The following IL1RAPL2 variants were observed in gnomAD, a reference collection of about 807,000 sequenced individuals.
The protein encoded by IL1RAPL2 is X-linked interleukin-1 receptor accessory protein-like 2.
In IL1RAPL2, 3 loss-of-function variants were observed where a neutral mutation model predicts 44.1. The ratio of observed to expected loss-of-function variants is 0.07; its 90% CI spans 0.03 to 0.18. IL1RAPL2 has a LOEUF of 0.18. Ranked by LOEUF, IL1RAPL2 falls within the 10% of genes least tolerant of loss-of-function variation. IL1RAPL2 has a pLI of 1.00. For missense variants in IL1RAPL2, 391 were observed against 496.4 expected (o/e 0.79, Z 2.02); for synonymous variants, 181 against 178.8 (o/e 1.01, Z -0.10).
intron 2 of IL1RAPL2, among the ~76,000 whole-genome samples, chrX:104,732,293 A>C (rs772461916): frequency 2.7e-5 from 3 of 111,589 alleles, no homozygotes; most frequent in South Asian, 7.5e-4. Flanking sequence ...TGAATGAAAT[A>C]GAAAACAAAG....
At chrX:104,926,345 C>T (rs1350696676) in intron 2 of IL1RAPL2, among the ~76,000 whole-genome samples, 1 of 111,962 alleles carries the variant, frequency 8.9e-6, no homozygotes, top group Non-Finnish European at 1.9e-5. Context: ...TCTAAATTTT[C>T]AAAATATATC....
chrX:105,066,676 C>T (rs774696028), intron 2 of IL1RAPL2, among the ~76,000 whole-genome samples: 1 of 111,549 alleles, frequency 9.0e-6, no homozygotes, highest in East Asian at 2.8e-4. Flanking sequence ...TGTTATCATG[C>T]TCCCCTTTCT....
chrX:104,878,389 T>C (rs950849329), intron 2 of IL1RAPL2, among the ~76,000 whole-genome samples: 1 of 112,089 alleles, frequency 8.9e-6, no homozygotes, highest in African/African-American at 3.2e-5. Context: ...TCTGTTTTAA[T>C]CCTCACAACA....
At chrX:105,272,923 T>C (rs1031071784) in intron 5 of IL1RAPL2, among the ~76,000 whole-genome samples, 3 of 111,971 alleles carry the variant, frequency 2.7e-5, no homozygotes, top group Non-Finnish European at 5.6e-5. Context: ...AACACACTTT[T>C]TGTGGTCCTG....
intron 1 of IL1RAPL2, among the ~76,000 whole-genome samples, chrX:104,649,083 TTC>T (rs1315804368): frequency 9.0e-6 from 1 of 111,318 alleles, no homozygotes; most frequent in Non-Finnish European, 1.9e-5. Context: ...TTCATGTTTT[TTC>T]TCTTTCTCCT....
At chrX:105,260,376 C>A (rs2034347914) in intron 4 of IL1RAPL2, among the ~76,000 whole-genome samples, 1 of 111,827 alleles carries the variant, frequency 8.9e-6, no homozygotes, top group Non-Finnish European at 1.9e-5. Flanking sequence ...GAGGTCCCGC[C>A]CAGTGAGTAG....
At chrX:105,046,902 C>T (rs763196935) in intron 2 of IL1RAPL2, among the ~76,000 whole-genome samples, 2 of 106,498 alleles carry the variant, frequency 1.9e-5, no homozygotes, top group East Asian at 3.0e-4. Flanking sequence ...TCTCTATCTC[C>T]CTTGTTCTGC....
chrX:105,460,273 A>T (rs2036084664), intron 5 of IL1RAPL2, among the ~76,000 whole-genome samples: 1 of 111,448 alleles, frequency 9.0e-6, no homozygotes, highest in African/African-American at 3.3e-5. Context: ...TGTAAGAGGA[A>T]GTACATCCCC....
chrX:104,860,646 C>T (rs752796546), intron 2 of IL1RAPL2, among the ~76,000 whole-genome samples: 48 of 110,770 alleles, frequency 4.3e-4, no homozygotes, highest in Non-Finnish European at 7.6e-4. Flanking sequence ...ATTCAAAAAT[C>T]TAACTCCAAA....
chrX:105,144,533 G>A (rs1165441584), intron 2 of IL1RAPL2, among the ~76,000 whole-genome samples: 1 of 110,804 alleles, frequency 9.0e-6, no homozygotes, highest in African/African-American at 3.3e-5. Flanking sequence ...AGATGTTCAG[G>A]ACTAGGCCTT....
At chrX:105,599,354 A>G (rs1372264951) in intron 6 of IL1RAPL2, among the ~76,000 whole-genome samples, 2 of 111,656 alleles carry the variant, frequency 1.8e-5, no homozygotes, top group Admixed American at 1.9e-4. Flanking sequence ...TAAATTGCAT[A>G]GAAACTCAAA....
intron 2 of IL1RAPL2, among the ~76,000 whole-genome samples, chrX:104,925,217 CAAA>C (rs372080675): frequency 1.5e-5 from 1 of 66,114 alleles, no homozygotes; most frequent in Non-Finnish European, 2.9e-5. Context: ...TGTCTCCCAC[CAAA>C]AAAAAAAAAA....
At chrX:104,816,328 GT>G (rs1921133159) in intron 2 of IL1RAPL2, among the ~76,000 whole-genome samples, 1 of 111,736 alleles carries the variant, frequency 8.9e-6, no homozygotes, top group South Asian at 3.7e-4. Context: ...TATATGCAAG[GT>G]TTCTATTTCT....
chrX:104,983,693 CATAAT>C (rs1386771106), intron 2 of IL1RAPL2, among the ~76,000 whole-genome samples: 1 of 98,868 alleles, frequency 1.0e-5, no homozygotes, highest in East Asian at 3.2e-4. Flanking sequence ...ATAATATTAA[CATAAT>C]ATTATATACA....
chrX:105,126,948 C>T (rs911976318), intron 2 of IL1RAPL2, among the ~76,000 whole-genome samples: 4 of 111,245 alleles, frequency 3.6e-5, no homozygotes, highest in African/African-American at 1.3e-4. Flanking sequence ...GCATAGCCCT[C>T]CACTCTATAA....
intron 5 of IL1RAPL2, among the ~76,000 whole-genome samples, chrX:105,425,649 GGAGCTGACA>G (rs1311645143): frequency 9.1e-6 from 1 of 109,601 alleles, no homozygotes; most frequent in Non-Finnish European, 1.9e-5. Context: ...TGAACAAAGG[GGAGCTGACA>G]GAGTGTCCTG....
chrX:104,687,460 A>G (rs912839938), intron 2 of IL1RAPL2, among the ~76,000 whole-genome samples: 1 of 111,480 alleles, frequency 9.0e-6, no homozygotes, highest in Non-Finnish European at 1.9e-5. Context: ...GGATGGCACC[A>G]AGCCATTTAC....
At chrX:104,654,586 T>C (rs1255553809) in intron 1 of IL1RAPL2, among the ~76,000 whole-genome samples, 1 of 111,513 alleles carries the variant, frequency 9.0e-6, no homozygotes, top group Non-Finnish European at 1.9e-5. Flanking sequence ...GAAAGTCTAA[T>C]GATTTGAAAT....
intron 2 of IL1RAPL2, among the ~76,000 whole-genome samples, chrX:105,155,853 C>T (rs1284454605): frequency 9.0e-6 from 1 of 111,106 alleles, no homozygotes; most frequent in Non-Finnish European, 1.9e-5. Flanking sequence ...TCTGGGTGAC[C>T]AGGAGAATAT....
Sources: allele counts gnomAD v4.1 joint callset (sites outside exome capture counted in the v4.1 genomes callset), GRCh38; gene constraint gnomAD v4.1.1; transcripts MANE v1.5; gene names NCBI Gene and HGNC (gene_info 2026-07-23, HGNC 2026-07-21).